SORCS2: variants seen among roughly 807,000 people sequenced by gnomAD.
SORCS2 encodes the protein VPS10 domain-containing receptor SorCS2.
SORCS2 carries 100 observed loss-of-function variants against 141.6 expected under a neutral mutation model. That is an observed-to-expected ratio of 0.71 (90% CI 0.60 to 0.83). SORCS2 has a LOEUF of 0.83. Among genes scored for constraint, SORCS2 ranks in the 40% least tolerant of loss-of-function variants. SORCS2 has a pLI of 0.00. For missense variants in SORCS2, 1,646 were observed against 1,560.2 expected, an observed-to-expected ratio of 1.05 and a Z score of -0.93; for synonymous variants, 789 against 676.9, an observed-to-expected ratio of 1.17 and a Z score of -2.57.
chr4:7,395,619 C>G (rs1724161329), intron 1 of SORCS2, among the ~76,000 whole-genome samples: 1 of 150,374 alleles, frequency 6.7e-6, no homozygotes, highest in Non-Finnish European at 1.5e-5. Flanking sequence ...TAAATAGTTG[C>G]ATTTTCTGCA....
At chr4:7,717,976 T>TCGA in intron 17 of SORCS2, 36 bp from the exon 18 acceptor site, 1 of 1,557,092 alleles carries the variant, frequency 6.4e-7, no homozygotes, top group Non-Finnish European at 8.7e-7. Context: ...TTGCCACCTG[T>TCGA]CTGAAGCGGA....
chr4:7,573,788 C>T (rs1715550354), intron 3 of SORCS2, among the ~76,000 whole-genome samples: 1 of 152,234 alleles, frequency 6.6e-6, no homozygotes, highest in South Asian at 2.1e-4. Flanking sequence ...CCCCTTTGTG[C>T]ATCTTTAGGG....
intron 5 of SORCS2, among the ~76,000 whole-genome samples, chr4:7,657,947 T>C (rs546143473): frequency 1.3e-5 from 2 of 150,894 alleles, no homozygotes; most frequent in African/African-American, 4.9e-5. Flanking sequence ...ACCGAGTGAG[T>C]GGACGAGTGA....
intron 9 of SORCS2, among the ~76,000 whole-genome samples, chr4:7,676,842 C>G (rs77992723): frequency 0.035 from 2,016 of 57,364 alleles, 250 homozygotes; most frequent in Non-Finnish European, 0.044. Flanking sequence ...TCTCTCCACC[C>G]CAGCCCTGTC....
chr4:7,689,713 C>A, intron 11 of SORCS2, 125 bp downstream of exon 11: 3 of 819,148 alleles, frequency 3.7e-6, no homozygotes, highest in Non-Finnish European at 5.5e-6. Flanking sequence ...GAGGCAGTAC[C>A]ACTGCATCTC....
intron 3 of SORCS2, among the ~76,000 whole-genome samples, chr4:7,568,946 G>T (rs932454638): frequency 7.2e-5 from 11 of 152,186 alleles, no homozygotes; most frequent in Non-Finnish European, 1.6e-4. Context: ...AGCTCCCCAA[G>T]GCTGGACTCT....
At chr4:7,621,719 C>G (rs1351158499) in intron 3 of SORCS2, among the ~76,000 whole-genome samples, 1 of 152,228 alleles carries the variant, frequency 6.6e-6, no homozygotes, top group Non-Finnish European at 1.5e-5. Context: ...GTCAATAAAT[C>G]TAATCAAAGA....
At chr4:7,641,825 G>GGGATGA (rs1560449747) in intron 4 of SORCS2, among the ~76,000 whole-genome samples, 24 of 126,264 alleles carry the variant, frequency 1.9e-4, no homozygotes, top group South Asian at 9.4e-4. Context: ...TGGGTGGGTG[G>GGGATGA]ATGGATGGAT....
At chr4:7,253,429 G>C (rs2108808769) in intron 1 of SORCS2, among the ~76,000 whole-genome samples, 1 of 152,336 alleles carries the variant, frequency 6.6e-6, no homozygotes, top group Middle Eastern at 3.4e-3. Context: ...GTTCTCATTA[G>C]GGATCTGTAG....
At chr4:7,603,504 C>A (rs914731243) in intron 3 of SORCS2, among the ~76,000 whole-genome samples, 14 of 152,206 alleles carry the variant, frequency 9.2e-5, no homozygotes, top group African/African-American at 3.4e-4. Flanking sequence ...TTATGATGTC[C>A]TTAATTTTTA....
At chr4:7,731,991 A>C (rs1310402555) in intron 23 of SORCS2, among the ~76,000 whole-genome samples, 3 of 152,216 alleles carry the variant, frequency 2.0e-5, no homozygotes, top group Non-Finnish European at 4.4e-5. Flanking sequence ...CCAGAGAAAC[A>C]ATCAGTGGAG....
chr4:7,446,964 G>A (rs970041831), intron 2 of SORCS2, among the ~76,000 whole-genome samples: 7 of 152,324 alleles, frequency 4.6e-5, no homozygotes, highest in East Asian at 3.9e-4. Flanking sequence ...ACCTTCAGCC[G>A]GGCTGTCTCT....
chr4:7,473,020 G>A (rs1161675255), intron 2 of SORCS2, among the ~76,000 whole-genome samples: 1 of 152,118 alleles, frequency 6.6e-6, no homozygotes, highest in African/African-American at 2.4e-5. Flanking sequence ...TGGCCTGTGG[G>A]GTTTTGCATG....
At chr4:7,495,429 C>A (rs1731554134) in intron 2 of SORCS2, among the ~76,000 whole-genome samples, 1 of 152,244 alleles carries the variant, frequency 6.6e-6, no homozygotes, top group Admixed American at 6.5e-5. Flanking sequence ...TGTCCTCCGG[C>A]AGCTCTTCTA....
chr4:7,715,347 C>A, intron 17 of SORCS2, 36 bp downstream of exon 17: 2 of 1,609,542 alleles, frequency 1.2e-6, no homozygotes, highest in South Asian at 2.2e-5. Context: ...TGCCTAAATC[C>A]GGGGGCAGAG....
chr4:7,393,873 T>G (rs1724024767), intron 1 of SORCS2, among the ~76,000 whole-genome samples: 1 of 152,188 alleles, frequency 6.6e-6, no homozygotes, highest in Non-Finnish European at 1.5e-5. Flanking sequence ...GGTCTGCTAG[T>G]GCAGAGCCAA....
At chr4:7,739,068 C>G (rs1056128089) in intron 26 of SORCS2, among the ~76,000 whole-genome samples, 1 of 152,240 alleles carries the variant, frequency 6.6e-6, no homozygotes, top group African/African-American at 2.4e-5. Context: ...CACCGTCTGA[C>G]TTCCCGGAGG....
chr4:7,519,718 A>T (rs1411580561), intron 2 of SORCS2, among the ~76,000 whole-genome samples: 1 of 152,186 alleles, frequency 6.6e-6, no homozygotes, highest in Non-Finnish European at 1.5e-5. Context: ...ATCTCAGGGG[A>T]GGTCCCCGCA....
At position 7,334,919 on chromosome 4, in the gene SORCS2, G is replaced by A. The variant is rs527597810; in HGVS notation, c.481-61369G>A. Among the ~76,000 whole-genome samples the A allele has an allele frequency of 8.3e-4, 127 of 152,254 alleles. 1 individual carries two copies. Among genetic ancestry groups the A allele is most frequent in the Non-Finnish European group, 1.3e-3 (90 of 68,002 alleles). On this transcript the variant is annotated intron_variant, in intron 1 of 26. Transcript: ENST00000507866. ...TCAGTATCAGGCATCTTCTGGGAGC[G>A]GAGGGAAGTGCTCTGAGGCTGAGGA... is the stretch of plus-strand genomic sequence containing the variant.
Sources: allele counts gnomAD v4.1 joint callset (sites outside exome capture counted in the v4.1 genomes callset), GRCh38; gene constraint gnomAD v4.1.1; transcripts MANE v1.5; gene names NCBI Gene and HGNC (gene_info 2026-07-23, HGNC 2026-07-21).